RASGRF1: variants seen among roughly 807,000 people sequenced by gnomAD.
RASGRF1 encodes the protein ras-specific guanine nucleotide-releasing factor 1.
A neutral mutation model predicts 138.7 loss-of-function variants in RASGRF1; 40 were observed. The ratio of observed to expected loss-of-function variants is 0.29; its 90% CI spans 0.22 to 0.38. The LOEUF (loss-of-function observed/expected upper bound fraction) is 0.38, where lower values mean the gene tolerates loss of function less well. Ranked by LOEUF, RASGRF1 falls within the 10% of genes least tolerant of loss-of-function variation. The pLI is 1.00. For missense variants in RASGRF1, 1,108 were observed against 1,650.4 expected (o/e 0.67, Z 5.69); for synonymous variants, 614 against 663.2 (o/e 0.93, Z 1.14).
intron 23 of RASGRF1, chr15:78,981,499 C>T (rs1214405493): frequency 2.0e-5 from 3 of 152,338 alleles, no homozygotes; most frequent in African/African-American, 4.8e-5. Flanking sequence ...GGGAGCACAG[C>T]GGTACGTCAC....
chr15:78,994,067 C>A (rs1437977119), intron 20 of RASGRF1, among the ~76,000 whole-genome samples: 4 of 152,212 alleles, frequency 2.6e-5, no homozygotes, highest in Non-Finnish European at 5.9e-5. Flanking sequence ...CACGAAGGAA[C>A]AAGGGGCCCT....
At chr15:78,979,872 G>A (rs1275548080) in intron 24 of RASGRF1, among the ~76,000 whole-genome samples, 2 of 152,242 alleles carry the variant, frequency 1.3e-5, no homozygotes, top group Non-Finnish European at 2.9e-5. Flanking sequence ...TATCCTGATG[G>A]TTGTCAAGTG....
chr15:78,984,975 G>C (rs368817921), intron 23 of RASGRF1, 32 bp downstream of exon 23: 10 of 1,601,088 alleles, frequency 6.2e-6, no homozygotes, highest in Non-Finnish European at 8.6e-6. Context: ...TCCAGCCCCA[G>C]GGAGGCAGTG....
At chr15:78,993,706 A>G (rs2056329725) in intron 20 of RASGRF1, among the ~76,000 whole-genome samples, 1 of 152,086 alleles carries the variant, frequency 6.6e-6, no homozygotes, top group Non-Finnish European at 1.5e-5. Context: ...GTTGGGCTGA[A>G]CTGCCAGGGC....
chr15:79,030,727 T>C (rs1049622356), intron 8 of RASGRF1, among the ~76,000 whole-genome samples: 2 of 152,162 alleles, frequency 1.3e-5, no homozygotes, highest in African/African-American at 4.8e-5. Flanking sequence ...CCACATCAAA[T>C]CCATCAGAAA....
At chr15:78,966,540 C>T (rs879441460) in intron 26 of RASGRF1, among the ~76,000 whole-genome samples, 47 of 151,346 alleles carry the variant, frequency 3.1e-4, no homozygotes, top group Admixed American at 1.4e-3. Flanking sequence ...GTGCCAGGCC[C>T]GGGACTATTT....
rs962538332 is a variant in RASGRF1 at position 79,017,778 on chromosome 15, T to A, written c.1735A>T (p.Ile579Phe). 39 of 1,607,310 alleles carry A rather than the reference T, an allele frequency of 2.4e-5. No homozygotes were observed. The highest frequency in any genetic ancestry group is 3.3e-5 in the Non-Finnish European group (39 of 1,177,414). The change falls in exon 12 of 27, where the codon ATC becomes TTC. Residue 579 changes from isoleucine (I) to phenylalanine (F), a missense_variant. Transcript: ENST00000558480. ...RQEKAAWTSDISQCVDNIRCN... is the reference protein window; with the variant it reads ...RQEKAAWTSDFSQCVDNIRCN... ...CAGGTGACGCTACTCACCTGGCTGA[T>A]GTCACTGGTCCACGCTGCCTTCTCC...
chr15:79,060,662 C>T (rs1045505841), intron 2 of RASGRF1, among the ~76,000 whole-genome samples: 2 of 152,218 alleles, frequency 1.3e-5, no homozygotes, highest in African/African-American at 2.4e-5. Flanking sequence ...GAGAGCTGGA[C>T]AGACTGTAGA....
Position 79,090,651 on chromosome 15 carries a change from G to C in RASGRF1, c.-153C>G, listed in dbSNP as rs2058044473. 1.8e-6 allele frequency: 2 copies of C among 1,091,882 alleles called. No individual in the cohort carries two copies. The highest frequency in any genetic ancestry group is 2.6e-6 in the Non-Finnish European group (2 of 775,922). 67.6% of individuals were successfully genotyped at this position (1,091,882 alleles called of 1,614,324 possible). ...CCCAAATATCTACACTCCAGGATCT[G>C]GCGCCGAGCCGCGGCTTCTTGAATC... On this transcript the variant is annotated 5_prime_UTR_variant, in exon 1 of 27. Coordinates refer to ENST00000558480, the MANE Select transcript of RASGRF1 (RefSeq NM_001145648.3).
chr15:79,046,238 A>G lies in RASGRF1; in HGVS notation c.878+508T>C, dbSNP rs1250378515. Among the ~76,000 whole-genome samples, 1 of 152,236 alleles carries G rather than the reference A, an allele frequency of 6.6e-6. No individual in the cohort carries two copies. The highest frequency in any genetic ancestry group is 6.5e-5 in the Admixed American group (1 of 15,284). The stretch of plus-strand genomic sequence containing the variant: ...CTGGCCTCCAGGTCATTATGATGGT[A>G]TCAAGGTCAAAGAATAAGGTACTTT... On this transcript the variant is annotated intron_variant, in intron 5 of 26. Coordinates refer to ENST00000558480, the MANE Select transcript of RASGRF1 (RefSeq NM_001145648.3). This position sits in a 1 kb window ranked among gnomAD's most constrained non-coding sequence, Gnocchi z 5.3.
At position 78,961,380 on chromosome 15, in the gene RASGRF1, G is replaced by A. The variant is rs1047452788; in HGVS notation, c.*764C>T. ...TGTTCCCGACTTTCAGTGGATGCTG[G>A]GCCAGTGGTCGGCAAGAGTCGACGT... On this transcript the variant is annotated 3_prime_UTR_variant, in exon 27 of 27. Transcript: ENST00000558480. The A allele has an allele frequency of 1.4e-4, 22 of 152,202 alleles. No individual in the cohort carries two copies. The highest frequency in any genetic ancestry group is 5.3e-4 in the African/African-American group (22 of 41,424). The allele number at this position is 152,202 out of a possible 1,614,324, so 9.4% of individuals were successfully genotyped here. A position where few individuals can be genotyped will look rare whatever the true frequency, so the allele number is the denominator to read the frequency against.
Position 78,962,611 on chromosome 15 carries a change from G to A in RASGRF1, c.3682-375C>T, listed in dbSNP as rs146970510. On this transcript the variant is annotated intron_variant, in intron 26 of 26. Coordinates refer to ENST00000558480, the MANE Select transcript of RASGRF1 (RefSeq NM_001145648.3). ...TGAAAAGTTTCATAAGGCTGGGCGT[G>A]GTGGCTCATGCCTCTAATCCCAGCA... Among the ~76,000 whole-genome samples, 632 of 152,302 alleles carry A rather than the reference G, an allele frequency of 4.1e-3. 5 individuals are homozygous for A. The highest frequency in any genetic ancestry group is 0.015 in the African/African-American group (612 of 41,562).
intron 2 of RASGRF1, among the ~76,000 whole-genome samples, chr15:79,062,958 G>T (rs1212970985): frequency 6.6e-6 from 1 of 151,330 alleles, no homozygotes; most frequent in African/African-American, 2.4e-5. Flanking sequence ...TAGGGGGGTG[G>T]GTGGGGAGAA....
chr15:78,962,378 G>C, intron 26 of RASGRF1, 142 bp from the exon 27 acceptor site: 1 of 605,350 alleles, frequency 1.7e-6, no homozygotes, highest in South Asian at 2.1e-5. Context: ...GCATTCAGTA[G>C]TGTTCCATCT....
chr15:79,090,175 G>A, intron 1 of RASGRF1, 48 bp downstream of exon 1: 1 of 1,533,266 alleles, frequency 6.5e-7, no homozygotes, highest in Non-Finnish European at 8.7e-7. Flanking sequence ...TGAGCCCCCA[G>A]GGCCGCGGCC....
chr15:79,007,978 G>A (rs1785608632), intron 13 of RASGRF1, among the ~76,000 whole-genome samples: 1 of 151,904 alleles, frequency 6.6e-6, no homozygotes, highest in Non-Finnish European at 1.5e-5. Flanking sequence ...GAGTAGCTGG[G>A]ATTACAGGCA....
intron 1 of RASGRF1, among the ~76,000 whole-genome samples, chr15:79,081,173 T>TGGGA (rs1157453756): frequency 6.6e-6 from 1 of 152,174 alleles, no homozygotes; most frequent in Admixed American, 6.5e-5. Context: ...ACCCAGGATG[T>TGGGA]GGGAAGCCCC....
chr15:78,972,244 T>C (rs1345526843), intron 25 of RASGRF1, among the ~76,000 whole-genome samples: 2 of 151,900 alleles, frequency 1.3e-5, no homozygotes, highest in Non-Finnish European at 2.9e-5. Flanking sequence ...TACAAGTGCA[T>C]GCCACCACGC....
chr15:79,025,711 T>A (rs1486402098), intron 9 of RASGRF1, among the ~76,000 whole-genome samples: 5 of 152,092 alleles, frequency 3.3e-5, no homozygotes, highest in Non-Finnish European at 7.4e-5. Flanking sequence ...AGCCAGGGGC[T>A]AGGGGCTAAG....
Sources: gnomAD v4.1 joint callset for allele counts (sites outside exome capture counted in the v4.1 genomes callset) on GRCh38, gnomAD v4.1.1 for gene constraint, Gnocchi (gnomAD v3.1) non-coding constraint, MANE v1.5 for transcripts, NCBI Gene and HGNC (gene_info 2026-07-23, HGNC 2026-07-21) for gene names.